The following NGLY1 variants were observed in gnomAD, a reference collection of about 807,000 sequenced individuals.
The protein encoded by NGLY1 is N-glycanase 1.
In NGLY1, 68 loss-of-function variants were observed where a neutral mutation model predicts 84.6. The observed-to-expected ratio is 0.80, with a 90% confidence interval of 0.66 to 0.98. The LOEUF (loss-of-function observed/expected upper bound fraction) is 0.98, where lower values mean the gene tolerates loss of function less well. Ranked by LOEUF, NGLY1 falls within the 50% of genes least tolerant of loss-of-function variation. The pLI is 0.00. For missense variants in NGLY1, 779 were observed against 770.2 expected (o/e 1.01, Z -0.14); for synonymous variants, 280 against 275.2 (o/e 1.02, Z -0.17).
At chr3:25,740,983 C>T (rs1247264249) in intron 4 of NGLY1, among the ~76,000 whole-genome samples, 1 of 151,852 alleles carries the variant, frequency 6.6e-6, no homozygotes, top group Non-Finnish European at 1.5e-5. Flanking sequence ...CAAAAATTTT[C>T]TGGGTTTGGT....
At chr3:25,789,920 C>A in exon 1 of NGLY1, 2 of 1,550,634 alleles carry the variant, frequency 1.3e-6, no homozygotes, top group Non-Finnish European at 1.7e-6. Flanking sequence ...CCGAGAGGGG[C>A]GTCTCTGCTC....
chr3:25,768,091 C>T (rs1328120622), intron 2 of NGLY1, among the ~76,000 whole-genome samples: 2 of 113,542 alleles, frequency 1.8e-5, no homozygotes, highest in African/African-American at 3.4e-5. Context: ...CCAGGCTGGG[C>T]GACAGAGCAA....
chr3:25,764,151 G>A lies in NGLY1; in HGVS notation c.407C>T (p.Thr136Ile). 2 of 1,614,208 alleles carry A rather than the reference G, an allele frequency of 1.2e-6. No individual in the cohort carries two copies. The highest frequency in any genetic ancestry group is 1.7e-6 in the Non-Finnish European group (2 of 1,180,036). ...CCCACTGGGATTTGAAGATGGTGTTGTAGGAAGCTGGGTACTGGCTGCAGG... is the reference window on the plus strand; with the variant it reads ...CCCACTGGGATTTGAAGATGGTGTTATAGGAAGCTGGGTACTGGCTGCAGG... ...QQPAASTQLP[T>I]TPSSNPSGLN... is the part of the protein sequence containing the mutation. The change falls in exon 3 of 12, where the codon ACA becomes ATA. Residue 136 changes from threonine to isoleucine, a missense_variant. Transcript: ENST00000280700.
At chr3:25,742,862 T>G (rs6784042) in intron 4 of NGLY1, among the ~76,000 whole-genome samples, 2,170 of 124,002 alleles carry the variant, frequency 0.017, 58 homozygotes, top group African/African-American at 0.065. Flanking sequence ...CTGTAGCCTA[T>G]GAATGTAGTT....
At chr3:25,758,206 A>G (rs1707134652) in intron 3 of NGLY1, among the ~76,000 whole-genome samples, 1 of 152,232 alleles carries the variant, frequency 6.6e-6, no homozygotes, top group African/African-American at 2.4e-5. Flanking sequence ...GAGATCTAAC[A>G]AAGCCCCTTA....
chr3:25,726,240 A>G (rs1040301241), intron 10 of NGLY1, among the ~76,000 whole-genome samples: 1 of 152,230 alleles, frequency 6.6e-6, no homozygotes, highest in South Asian at 2.1e-4. Flanking sequence ...ACATTTTTAC[A>G]TTCACCAATC....
intron 11 of NGLY1, among the ~76,000 whole-genome samples, 182 bp downstream of exon 11, chr3:25,719,832 C>G (rs944130008): frequency 1.3e-5 from 2 of 151,726 alleles, no homozygotes; most frequent in African/African-American, 2.4e-5. Context: ...TATTTCACAA[C>G]AGAAAACATC....
chr3:25,778,710 A>C, intron 1 of NGLY1, 22 bp from the exon 2 acceptor site: 2 of 1,448,246 alleles, frequency 1.4e-6, no homozygotes. Context: ...CAAAAGTTTG[A>C]TTATATATAA....
chr3:25,729,212 T>C lies in NGLY1; in HGVS notation c.1532A>G (p.Asn511Ser), dbSNP rs1705414877. ...KDRYVRVSNN[N>S]QTISGWENGV... ...ATTCTCCCATCCAGAAATGGTTTGA[T>C]TGTTATTTGAAACTCGAACATAACG... is the stretch of plus-strand genomic sequence containing the variant. Residue 511 changes from asparagine to serine, a missense_variant, in exon 10 of 12, where the codon AAT (asparagine) becomes AGT (serine). By Grantham distance (46) the Asn-to-Ser change is conservative (BLOSUM62 1). Transcript: ENST00000280700. 3 of 1,569,604 alleles carry C rather than the reference T, an allele frequency of 1.9e-6. No homozygotes were observed. The highest frequency in any genetic ancestry group is 1.4e-5 in the African/African-American group (1 of 73,272).
chr3:25,758,886 G>A (rs1271914798), intron 3 of NGLY1, among the ~76,000 whole-genome samples: 5 of 152,302 alleles, frequency 3.3e-5, no homozygotes, highest in Middle Eastern at 3.4e-3. Context: ...TTGTTTCTAA[G>A]ATAGGAGAGC....
chr3:25,776,087 A>G (rs1309405573), intron 2 of NGLY1, among the ~76,000 whole-genome samples: 9 of 152,236 alleles, frequency 5.9e-5, no homozygotes. Flanking sequence ...TTAAGTATAA[A>G]TTAGTCATAT....
At chr3:25,778,354 T>G in intron 2 of NGLY1, 2 of 368,282 alleles carry the variant, frequency 5.4e-6, no homozygotes, top group South Asian at 1.0e-4. Context: ...GAACTGAGAC[T>G]CGTAAGAATT....
At chr3:25,739,013 AC>A (rs1411491097) in intron 5 of NGLY1, among the ~76,000 whole-genome samples, 1 of 152,182 alleles carries the variant, frequency 6.6e-6, no homozygotes, top group Non-Finnish European at 1.5e-5. Flanking sequence ...GAAGCACCTA[AC>A]TAAAACAAAC....
chr3:25,773,319 C>A (rs1470952682), intron 2 of NGLY1, among the ~76,000 whole-genome samples: 1 of 152,038 alleles, frequency 6.6e-6, no homozygotes, highest in African/African-American at 2.4e-5. Flanking sequence ...GGGCTTTGAT[C>A]ATTTTTAAAA....
rs202027326 is a variant in NGLY1 at position 25,739,640 on chromosome 3, C to G, written c.818G>C (p.Trp273Ser). ...SLLPSDDELK[W>S]GAKEVEDHYC... is the part of the protein sequence containing the mutation. ...ATGATCTTCCACTTCCTTTGCACCC[C>G]ACTTCAGCTCATCATCACTGGGCAG... Residue 273 changes from tryptophan to serine, a missense_variant, in exon 5 of 12, where the codon TGG becomes TCG. Physicochemically the swap from Trp to Ser is radical, Grantham distance 177 (BLOSUM62 -3). Coordinates refer to ENST00000280700, the MANE Select transcript of NGLY1 (RefSeq NM_018297.4). 156 of 1,614,004 alleles carry G rather than the reference C, an allele frequency of 9.7e-5. No individual in the cohort carries two copies. Among genetic ancestry groups the G allele is most frequent in the Non-Finnish European group, 1.2e-4 (144 of 1,180,020 alleles).
rs1464233609 is a variant in NGLY1, at chr3:25,778,611, C to T, written c.209G>A (p.Gly70Glu). ...AFSTRLLPVR[G>E]AVECLFEMGF... ...CATTTCAAATAAACATTCAACAGCTCCTCTGACAGGCAAGAGTCTAGTAGA... is the reference window on the plus strand; with the variant it reads ...CATTTCAAATAAACATTCAACAGCTTCTCTGACAGGCAAGAGTCTAGTAGA... Residue 70 changes from glycine to glutamate, a missense_variant, in exon 2 of 12, where the codon GGA becomes GAA. Transcript: ENST00000280700. The T allele has an allele frequency of 1.2e-6, 2 of 1,611,810 alleles. No individual in the cohort carries two copies. The highest frequency in any genetic ancestry group is 1.7e-5 in the Admixed American group (1 of 59,812).
intron 8 of NGLY1, among the ~76,000 whole-genome samples, chr3:25,733,614 T>A (rs73059716): frequency 6.6e-6 from 1 of 152,092 alleles, no homozygotes; most frequent in Non-Finnish European, 1.5e-5. Flanking sequence ...GTACTACCAA[T>A]ACTGAAATTT....
At chr3:25,768,324 A>T (rs2125299709) in intron 2 of NGLY1, among the ~76,000 whole-genome samples, 1 of 151,010 alleles carries the variant, frequency 6.6e-6, no homozygotes, top group Non-Finnish European at 1.5e-5. Flanking sequence ...TACTCGGAAG[A>T]CTGAGGCAGG....
chr3:25,767,105 A>T (rs960115766), intron 2 of NGLY1, among the ~76,000 whole-genome samples: 5 of 152,084 alleles, frequency 3.3e-5, no homozygotes, highest in African/African-American at 1.2e-4. Context: ...CAGCCTGACC[A>T]ACATGGTGAA....
Sources: allele counts gnomAD v4.1 joint callset (sites outside exome capture counted in the v4.1 genomes callset), GRCh38; gene constraint gnomAD v4.1.1; transcripts MANE v1.5; gene names NCBI Gene and HGNC (gene_info 2026-07-23, HGNC 2026-07-21).